Variants in PODN observed in about 807,000 individuals in gnomAD.
PODN encodes the protein podocan proteoglycan.
PODN carries 40 observed loss-of-function variants against 52.7 expected under a neutral mutation model. The observed-to-expected ratio is 0.76, with a 90% CI of 0.59 to 0.99. The LOEUF (loss-of-function observed/expected upper bound fraction) is 0.99. Among genes scored for constraint, PODN ranks in the 50% least tolerant of loss-of-function variants. The pLI is 0.00. For synonymous variants in PODN, 396 were observed against 377.9 expected, an observed-to-expected ratio of 1.05 and a Z score of -0.56; for missense variants, 720 against 815.1, an observed-to-expected ratio of 0.88 and a Z score of 1.42.
chr1:53,067,860 G>A, intron 1 of PODN, among the ~76,000 whole-genome samples: 1 of 149,152 alleles, frequency 6.7e-6, no homozygotes, highest in East Asian at 2.0e-4. Flanking sequence ...AGGTTACAGT[G>A]AGCTATGATT....
intron 9 of PODN, 36 bp from the exon 10 acceptor site, chr1:53,081,944 TG>T (rs1199931128): frequency 6.4e-7 from 1 of 1,560,110 alleles, no homozygotes; most frequent in South Asian, 1.2e-5. Context: ...CCTTGGGGGT[TG>T]GGCTCCTGGC....
At chr1:53,063,082 C>A (rs552412299) in intron 1 of PODN, among the ~76,000 whole-genome samples, 4 of 152,068 alleles carry the variant, frequency 2.6e-5, no homozygotes, top group African/African-American at 7.2e-5. Flanking sequence ...CGAGCCACAG[C>A]CCGGCCTGGG....
intron 10 of PODN, among the ~76,000 whole-genome samples, chr1:53,083,995 G>A (rs1344223632): frequency 6.6e-6 from 1 of 152,160 alleles, no homozygotes; most frequent in Non-Finnish European, 1.5e-5. Flanking sequence ...ACTTGGGTGG[G>A]TGACAGAGGG....
At chr1:53,064,867 C>T (rs1214024949) in intron 1 of PODN, among the ~76,000 whole-genome samples, 1 of 152,192 alleles carries the variant, frequency 6.6e-6, no homozygotes, top group Admixed American at 6.5e-5. Flanking sequence ...AATTGGAACC[C>T]ATGCCCTTCT....
Position 53,069,784 on chromosome 1 carries a change from T to A in PODN, c.-55-17T>A. 1 of 1,563,902 alleles carries A rather than the reference T, an allele frequency of 6.4e-7. No individual in the cohort carries two copies. The highest frequency in any genetic ancestry group is 8.6e-7 in the Non-Finnish European group (1 of 1,157,122). On this transcript the variant is annotated splice_polypyrimidine_tract_variant and intron_variant, in intron 1 of 10. Coordinates refer to ENST00000312553, the MANE Select transcript of PODN (RefSeq NM_153703.5). ...ATGACTTTCGAGGGCCCCAGCTGTG[T>A]CCACTGTACCTCACAGGTTCCGTCA...
intron 8 of PODN, 184 bp from the exon 9 acceptor site, chr1:53,080,544 A>T: frequency 3.2e-6 from 2 of 622,892 alleles, no homozygotes. Flanking sequence ...CCTTGGAAAG[A>T]TCACTTAACC....
Position 53,077,316 on chromosome 1 carries a change from G to C in PODN, c.708G>C (p.Leu236=). 6.2e-7 allele frequency: 1 copy of C among 1,613,272 alleles called. No homozygotes were observed. ...TCCTGCGCCACGTGCCCAAGCACCT[G>C]CCGCCTGCCCTGTACAAGCTGCACC... is the stretch of plus-strand genomic sequence containing the variant. ...SNFLRHVPKH[L]PPALYKLHLK... is the part of the protein sequence containing the mutation. The change falls in exon 6 of 11, where the codon CTG becomes CTC. Residue 236 remains leucine (L), a synonymous_variant. Coordinates refer to ENST00000312553, the MANE Select transcript of PODN (RefSeq NM_153703.5).
chr1:53,070,981 T>G (rs1438595499), intron 2 of PODN: 1 of 153,352 alleles, frequency 6.5e-6, no homozygotes. Context: ...CCCTGCCCTG[T>G]GCTTACAGTC....
Position 53,078,360 on chromosome 1 carries a change from C to T in PODN, c.855-5C>T. ...CCAACCGTCCTAATTCCCTCCCTGCCCCAGGAAGCTCTCCAGCCTGGAGTA... is the reference window on the plus strand; with the variant it reads ...CCAACCGTCCTAATTCCCTCCCTGCTCCAGGAAGCTCTCCAGCCTGGAGTA... On this transcript the variant is annotated splice_region_variant and splice_polypyrimidine_tract_variant and intron_variant, in intron 7 of 10. Coordinates refer to ENST00000312553, the MANE Select transcript of PODN (RefSeq NM_153703.5). 1.2e-6 allele frequency: 2 copies of T among 1,605,810 alleles called. No individual in the cohort carries two copies. The highest frequency in any genetic ancestry group is 1.7e-6 in the Non-Finnish European group (2 of 1,173,792).
In PODN at chr1:53,070,063, C is replaced by T. The variant is rs745316094; in HGVS notation, c.208C>T (p.Arg70Ter). 16 of 1,612,958 alleles carry T rather than the reference C, an allele frequency of 9.9e-6. No homozygotes were observed. Among genetic ancestry groups the T allele is most frequent in the South Asian group, 4.4e-5 (4 of 91,090 alleles). ...TGGCCCAGCCGCGGTCAGCTGCCCC[C>T]GAGACTGTGCCTGTTCCCAGGAGGG... ...GPGPAAVSCP[R>*]DCACSQEGVV... Residue 70 changes from arginine (R) to a stop codon, truncating the protein, a stop_gained, in exon 2 of 11, where the codon CGA (arginine) becomes TGA (stop). Transcript: ENST00000312553. LOFTEE classifies it high-confidence loss of function.
In PODN at chr1:53,084,792, A is replaced by G. The variant is rs1199609074; in HGVS notation, c.*307A>G. On this transcript the variant is annotated 3_prime_UTR_variant, in exon 11 of 11. Coordinates refer to ENST00000312553, the MANE Select transcript of PODN (RefSeq NM_153703.5). ...CCCACTACCGCTGCCACGCCCTCTG[A>G]ATCATGCAGGGAAGGGTCTGCCCCT... 1.3e-5 allele frequency: 2 copies of G among 152,708 alleles called. No homozygotes were observed. Among genetic ancestry groups the G allele is most frequent in the African/African-American group, 4.8e-5 (2 of 41,414 alleles). The allele number at this position is 152,708 out of a possible 1,614,324, so 9.5% of individuals were successfully genotyped here. A position where few individuals can be genotyped will look rare whatever the true frequency, so the allele number is the denominator to read the frequency against.
chr1:53,064,938 G>C (rs1019858113), intron 1 of PODN, among the ~76,000 whole-genome samples: 1 of 152,202 alleles, frequency 6.6e-6, no homozygotes, highest in Admixed American at 6.5e-5. Flanking sequence ...CGCTGTCCAG[G>C]GGTTTGAGAT....
intron 9 of PODN, 81 bp from the exon 10 acceptor site, chr1:53,081,900 C>T: frequency 3.3e-6 from 5 of 1,520,742 alleles, no homozygotes; most frequent in Non-Finnish European, 4.4e-6. Context: ...CCCCTGTTAC[C>T]TTCTGGAGAG....
rs745348512 is a variant in PODN, at chr1:53,080,720, C to A, written c.1513-8C>A. On this transcript the variant is annotated splice_region_variant and splice_polypyrimidine_tract_variant and intron_variant, in intron 8 of 10. Transcript: ENST00000312553. ...GGGAGTCCCTGACTCCCTTGGTCACCCCTGCAGCTGCTGGACATCGCCGGG... is the reference window on the plus strand; with the variant it reads ...GGGAGTCCCTGACTCCCTTGGTCACACCTGCAGCTGCTGGACATCGCCGGG... 3.1e-6 allele frequency: 5 copies of A among 1,613,256 alleles called. No individual in the cohort carries two copies. The highest frequency in any genetic ancestry group is 3.3e-5 in the Admixed American group (2 of 59,962).
intron 2 of PODN, among the ~76,000 whole-genome samples, chr1:53,070,744 G>A (rs1363017681): frequency 6.6e-6 from 1 of 152,364 alleles, no homozygotes; most frequent in Admixed American, 6.5e-5. Context: ...AGGCGATCAG[G>A]CCTGGTGCGG....
In PODN at chr1:53,070,023, T is replaced by C; in HGVS notation, c.168T>C (p.Pro56=). 1 of 1,612,782 alleles carries C rather than the reference T, an allele frequency of 6.2e-7. No homozygotes were observed. Among genetic ancestry groups the C allele is most frequent in the Non-Finnish European group, 8.5e-7 (1 of 1,179,882 alleles). The part of the protein sequence containing the change: ...AEEEPVLVLS[P]EEPGPGPAAV... The stretch of plus-strand genomic sequence containing the variant: ...AGGAGCCGGTGCTGGTACTGAGCCC[T>C]GAGGAGCCCGGGCCTGGCCCAGCCG... Residue 56 remains proline (P), a synonymous_variant, in exon 2 of 11, where the codon CCT becomes CCC. Coordinates refer to ENST00000312553, the MANE Select transcript of PODN (RefSeq NM_153703.5).
At chr1:53,074,790 T>G in intron 4 of PODN, 120 bp downstream of exon 4, 10 of 432,502 alleles carry the variant, frequency 2.3e-5, no homozygotes, top group South Asian at 4.0e-5. Context: ...TTGTTGCTGC[T>G]CAGACATGGC....
At position 53,075,891 on chromosome 1, in the gene PODN, C is replaced by T. The variant is rs568896452; in HGVS notation, c.501C>T (p.Asn167=). 6.1e-5 allele frequency: 98 copies of T among 1,605,234 alleles called. No homozygotes were observed. The South Asian group carries it at 6.6e-4, about 11-fold the overall frequency. Residue 167 remains asparagine, a synonymous_variant, in exon 5 of 11, where the codon AAC becomes AAT. Coordinates refer to ENST00000312553, the MANE Select transcript of PODN (RefSeq NM_153703.5). ...CCTTGGCACCCCGCTTCCTGCCAAA[C>T]GCCCTGATCAGTGTGGACTTTGCTG... The part of the protein sequence containing the change: ...KLTLAPRFLP[N]ALISVDFAAN...
At chr1:53,077,844 C>G (rs372572402) in intron 7 of PODN, 44 bp downstream of exon 7, 1 of 1,547,968 alleles carries the variant, frequency 6.5e-7, no homozygotes, top group Non-Finnish European at 8.9e-7. Flanking sequence ...CCACGGGGCC[C>G]GGGAAGCTCC....
Sources: gnomAD v4.1 joint callset for allele counts (sites outside exome capture counted in the v4.1 genomes callset) on GRCh38, gnomAD v4.1.1 for gene constraint, MANE v1.5 for transcripts, NCBI Gene and HGNC (gene_info 2026-07-23, HGNC 2026-07-21) for gene names.